The following NCOA1 variants were observed in gnomAD, a reference collection of about 807,000 sequenced individuals.
The protein encoded by NCOA1 is Hin-2 protein.
In NCOA1, 35 loss-of-function variants were observed where a neutral mutation model predicts 150.9. The ratio of observed to expected loss-of-function variants is 0.23; its 90% confidence interval spans 0.18 to 0.31. The LOEUF (loss-of-function observed/expected upper bound fraction) is 0.31, where lower values mean the gene tolerates loss of function less well. NCOA1 is among the 10% of genes least tolerant of loss of function. The probability of loss-of-function intolerance (pLI) is 1.00; values close to 1 mark genes in which losing one functional copy is unlikely to be tolerated. For synonymous variants in NCOA1, 590 were observed against 630.0 expected (o/e 0.94, Z 0.95); for missense variants, 1,491 against 1,749.3 (o/e 0.85, Z 2.63).
At chr2:24,577,448 T>C (rs942428514) in intron 2 of NCOA1, among the ~76,000 whole-genome samples, 1 of 152,202 alleles carries the variant, frequency 6.6e-6, no homozygotes, top group Non-Finnish European at 1.5e-5. Flanking sequence ...TTGGGAATCA[T>C]AAGATTGAGT....
chr2:24,705,277 C>G, intron 12 of NCOA1, 44 bp downstream of exon 12: 1 of 1,584,446 alleles, frequency 6.3e-7, no homozygotes. Flanking sequence ...AGCCAGTTCA[C>G]ATATCTCTTA....
intron 2 of NCOA1, among the ~76,000 whole-genome samples, chr2:24,565,244 G>A (rs1193957184): frequency 6.6e-6 from 1 of 152,180 alleles, no homozygotes; most frequent in Non-Finnish European, 1.5e-5. Context: ...GTTTTCACAT[G>A]AATTCCAAAC....
chr2:24,630,229 A>C (rs1319446143), intron 3 of NCOA1, among the ~76,000 whole-genome samples: 1 of 152,194 alleles, frequency 6.6e-6, no homozygotes, highest in Non-Finnish European at 1.5e-5. Flanking sequence ...AAATGGAGGC[A>C]TGGAAAGATT....
chr2:24,649,760 CT>C (rs1184646235), intron 4 of NCOA1, among the ~76,000 whole-genome samples: 2 of 137,122 alleles, frequency 1.5e-5, no homozygotes, highest in Non-Finnish European at 3.1e-5. Context: ...ATAAACTTTT[CT>C]TTTTTCAAAC....
Position 24,658,713 on chromosome 2 carries a change from T to C in NCOA1, c.36T>C (p.Ala12=), listed in dbSNP as rs2148491962. Residue 12 remains alanine (A), a synonymous_variant, in exon 5 of 23, where the codon GCT becomes GCC. Coordinates refer to ENST00000348332, the MANE Select transcript of NCOA1 (RefSeq NM_003743.5). ...SGLGDSSSDP[A]NPDSHKRKGS... is the part of the protein sequence containing the mutation. ...TCGGGGACAGTTCATCCGACCCTGC[T>C]AACCCAGACTCACATAAGAGGAAAG... 1 of 1,614,108 alleles carries C rather than the reference T, an allele frequency of 6.2e-7. No homozygotes were observed. The highest frequency in any genetic ancestry group is 1.1e-5 in the South Asian group (1 of 91,080).
At chr2:24,587,354 C>T (rs1572454026) in intron 3 of NCOA1, among the ~76,000 whole-genome samples, 1 of 152,276 alleles carries the variant, frequency 6.6e-6, no homozygotes, top group South Asian at 2.1e-4. Flanking sequence ...TTCTCCAACG[C>T]ACCTGACATT....
chr2:24,547,113 T>G (rs1353036068), intron 1 of NCOA1, among the ~76,000 whole-genome samples: 1 of 152,212 alleles, frequency 6.6e-6, no homozygotes, highest in Admixed American at 6.5e-5. Flanking sequence ...TTTGGAAGAT[T>G]AGTTTGTGGC....
At chr2:24,535,606 T>C (rs13007709) in intron 1 of NCOA1, among the ~76,000 whole-genome samples, 77,854 of 151,986 alleles carry the variant, frequency 0.51, 21,565 homozygotes, top group Admixed American at 0.67. Flanking sequence ...CCTTTCCATG[T>C]TTAGTGCTTC....
chr2:24,531,914 C>CA (rs1558770604), intron 1 of NCOA1, among the ~76,000 whole-genome samples: 1 of 152,182 alleles, frequency 6.6e-6, no homozygotes, highest in Admixed American at 6.5e-5. Flanking sequence ...CTGCAGTAAA[C>CA]ATACGTGTGC....
chr2:24,748,597 CAA>C (rs1280583795), intron 19 of NCOA1, among the ~76,000 whole-genome samples: 1 of 87,736 alleles, frequency 1.1e-5, no homozygotes, highest in Non-Finnish European at 2.2e-5. Context: ...GCCTGGGCAA[CAA>C]GAGTGAAACT....
chr2:24,621,244 T>C (rs1296341971), intron 3 of NCOA1, among the ~76,000 whole-genome samples: 6 of 152,082 alleles, frequency 3.9e-5, no homozygotes, highest in Admixed American at 2.0e-4. Context: ...AAAATTACAG[T>C]AACGGCACTT....
chr2:24,700,207 A>G (rs1042783471), intron 11 of NCOA1, among the ~76,000 whole-genome samples: 1 of 150,922 alleles, frequency 6.6e-6, no homozygotes, highest in Non-Finnish European at 1.5e-5. Context: ...TTTGACAATC[A>G]TTGGTCCATC....
intron 19 of NCOA1, among the ~76,000 whole-genome samples, chr2:24,743,778 A>G (rs1007915853): frequency 6.6e-6 from 1 of 152,222 alleles, no homozygotes; most frequent in Admixed American, 6.5e-5. Context: ...AGCATTCATA[A>G]TATTAATTGC....
chr2:24,618,664 T>C (rs11888659), intron 3 of NCOA1, among the ~76,000 whole-genome samples: 69 of 152,304 alleles, frequency 4.5e-4, no homozygotes, highest in African/African-American at 1.5e-3. Flanking sequence ...TCATTCCTTC[T>C]GTTCTACCTC....
Position 24,757,634 on chromosome 2 carries a change from C to CA in NCOA1, c.3882-336dup, listed in dbSNP as rs897319854. ...GTATATATATGCCAGACACTTTGCT[C>CA]AAATAGGACATTCTCTGTTTAGATA... On this transcript the variant is annotated intron_variant, in intron 20 of 22. Coordinates refer to ENST00000348332, the MANE Select transcript of NCOA1 (RefSeq NM_003743.5). Among the ~76,000 whole-genome samples, 8 of 152,128 alleles carry CA rather than the reference C, an allele frequency of 5.3e-5. No individual in the cohort carries two copies. In the South Asian group the frequency reaches 1.0e-3, roughly 20 times the overall value.
At chr2:24,629,110 AAGG>A (rs1669560177) in intron 3 of NCOA1, among the ~76,000 whole-genome samples, 1 of 152,158 alleles carries the variant, frequency 6.6e-6, no homozygotes, top group African/African-American at 2.4e-5. Context: ...GGAAAAAGTA[AAGG>A]AGAAGGGAGG....
chr2:24,768,431 C>T lies in NCOA1; in HGVS notation c.*40C>T. ...ATGTGAAATTTAAATAATAGACATA[C>T]AGAGATATACAAATATATTATATAT... is the stretch of plus-strand genomic sequence containing the variant. On this transcript the variant is annotated 3_prime_UTR_variant, in exon 23 of 23. Coordinates refer to ENST00000348332, the MANE Select transcript of NCOA1 (RefSeq NM_003743.5). 1 of 1,340,576 alleles carries T rather than the reference C, an allele frequency of 7.5e-7. No homozygotes were observed. The highest frequency in any genetic ancestry group is 2.5e-4 in the Middle Eastern group (1 of 3,964). The allele number at this position is 1,340,576 out of a possible 1,614,324, so 83.0% of individuals were successfully genotyped here.
chr2:24,613,371 GCTACTTGC>G (rs1174947262), intron 3 of NCOA1, among the ~76,000 whole-genome samples: 1 of 152,210 alleles, frequency 6.6e-6, no homozygotes, highest in Non-Finnish European at 1.5e-5. Context: ...AGTGGTCTGA[GCTACTTGC>G]TCAGCCCCAG....
In NCOA1 at chr2:24,681,016, T is replaced by A. The variant is rs201803932; in HGVS notation, c.355-1935T>A. Among the ~76,000 whole-genome samples the A allele has an allele frequency of 2.6e-4, 39 of 149,828 alleles. 1 individual carries two copies. The highest frequency in any genetic ancestry group is 1.1e-3 in the Admixed American group (16 of 14,992). The stretch of plus-strand genomic sequence containing the variant: ...ATTGACCTTCCAGTTTCCTTGATTT[T>A]AAAAAAAATGATTCTTCCAAACATC... On this transcript the variant is annotated intron_variant, in intron 7 of 22. Transcript: ENST00000348332.
Sources: gnomAD v4.1 joint callset for allele counts (sites outside exome capture counted in the v4.1 genomes callset) on GRCh38, gnomAD v4.1.1 for gene constraint, MANE v1.5 for transcripts, NCBI Gene and HGNC (gene_info 2026-07-23, HGNC 2026-07-21) for gene names.